CD46: variants seen among roughly 807,000 people sequenced by gnomAD.
CD46 encodes the protein CD46 molecule.
In CD46, 30 loss-of-function variants were observed where a neutral mutation model predicts 53.3. That is an observed-to-expected ratio of 0.56 (90% confidence interval 0.42 to 0.76). The LOEUF (loss-of-function observed/expected upper bound fraction) is 0.76, where lower values mean the gene tolerates loss of function less well. CD46 is among the 30% of genes least tolerant of loss of function. The pLI, the probability that CD46 is intolerant of heterozygous loss-of-function variation, is 0.00. For synonymous variants in CD46, 142 were observed against 152.0 expected (o/e 0.93, Z 0.48); for missense variants, 409 against 463.0 (o/e 0.88, Z 1.07).
chr1:207,784,882 G>A (rs1659127758), intron 9 of CD46, among the ~76,000 whole-genome samples, 189 bp from the exon 10 acceptor site: 2 of 152,180 alleles, frequency 1.3e-5, no homozygotes, highest in Non-Finnish European at 2.9e-5. Context: ...GGGGGAAACT[G>A]CCTCCATGAT....
chr1:207,767,632 T>C, intron 6 of CD46, 147 bp from the exon 7 acceptor site: 1 of 1,613,406 alleles, frequency 6.2e-7, no homozygotes, highest in Non-Finnish European at 8.5e-7. Context: ...GTACAAAACC[T>C]CCAGCTTTGA....
Position 207,785,651 on chromosome 1 carries a change from T to C in CD46, c.1051T>C (p.Tyr351His). 1 of 1,611,002 alleles carries C rather than the reference T, an allele frequency of 6.2e-7. No homozygotes were observed. Residue 351 changes from tyrosine (Y) to histidine (H), a missense_variant, in exon 11 of 13, where the codon TAC becomes CAC. Coordinates refer to ENST00000367042, the MANE Select transcript of CD46 (RefSeq NM_172351.3). ...VGVAVICVVP[Y>H]RYLQRRKKKG... ...AGTTGCAGTAATTTGTGTTGTCCCG[T>C]ACAGATATCTTCAAAGGAGGAAGAA...
Position 207,790,293 on chromosome 1 carries a change from A to C in CD46, c.1123A>C (p.Thr375Pro). 6.2e-7 allele frequency: 1 copy of C among 1,600,090 alleles called. No individual in the cohort carries two copies. The highest frequency in any genetic ancestry group is 1.1e-5 in the South Asian group (1 of 90,830). Residue 375 changes from threonine (T) to proline (P), a missense_variant, in exon 12 of 13, where the codon ACT becomes CCT. Thr to Pro is a conservative substitution (Grantham distance 38). Transcript: ENST00000367042. The part of the protein sequence containing the change: ...TDETHREVKF[T>P]SL Reference sequence around the variant, plus strand: ...TGAGACCCACAGAGAAGTAAAATTTACTTCTCTCTGAGAAGGAGAGATGAG... The same window carrying C: ...TGAGACCCACAGAGAAGTAAAATTTCCTTCTCTCTGAGAAGGAGAGATGAG...
intron 5 of CD46, among the ~76,000 whole-genome samples, chr1:207,761,743 TAAAG>T (rs889595300): frequency 8.6e-5 from 13 of 151,704 alleles, no homozygotes; most frequent in African/African-American, 2.9e-4. Flanking sequence ...CACACTGGCT[TAAAG>T]AAAGTTTCAT....
chr1:207,773,681 C>T (rs946916151), intron 8 of CD46, among the ~76,000 whole-genome samples: 4 of 152,134 alleles, frequency 2.6e-5, no homozygotes, highest in Non-Finnish European at 4.4e-5. Context: ...GCAGGTTGTT[C>T]AGTTTCCATG....
intron 7 of CD46, chr1:207,769,603 G>A (rs1657242034): frequency 6.6e-6 from 1 of 152,026 alleles, no homozygotes; most frequent in Non-Finnish European, 1.5e-5. Flanking sequence ...ATCTGCTAGA[G>A]GAAGACTAAA....
intron 8 of CD46, among the ~76,000 whole-genome samples, chr1:207,779,449 A>G (rs1658475497): frequency 6.6e-6 from 1 of 152,268 alleles, no homozygotes; most frequent in East Asian, 1.9e-4. Flanking sequence ...ATTTATTCTC[A>G]TACTTTCTAA....
rs750997386 is a variant in CD46 at position 207,793,530 on chromosome 1, G to A, written c.*53G>A. ...ACCTTGGTTTGCAGGAAAGCAGATG[G>A]TGGAGCTGAATATGCCACTTACCAG... On this transcript the variant is annotated 3_prime_UTR_variant, in exon 13 of 13. Transcript: ENST00000367042. The A allele has an allele frequency of 2.5e-6, 4 of 1,613,342 alleles. No individual in the cohort carries two copies. The African/African-American group carries it at 4.0e-5, about 16-fold the overall frequency.
At chr1:207,785,568 T>G in intron 10 of CD46, 51 bp from the exon 11 acceptor site, 3 of 1,240,318 alleles carry the variant, frequency 2.4e-6, no homozygotes, top group Non-Finnish European at 3.6e-6. Context: ...TGTTGAATCT[T>G]GGTGATTAGT....
At chr1:207,773,976 G>T (rs1361060866) in intron 8 of CD46, among the ~76,000 whole-genome samples, 1 of 152,188 alleles carries the variant, frequency 6.6e-6, no homozygotes, top group Non-Finnish European at 1.5e-5. Flanking sequence ...AATATTGACA[G>T]TGGGGTGTTA....
rs12022016 is a variant in CD46, at chr1:207,789,634, C to T, written c.1083-619C>T. ...ACAGATGTGCCACAGGAAGACACTT[C>T]TTAATGTAAAAGTCCAGAGACATCT... On this transcript the variant is annotated intron_variant, in intron 11 of 12. Coordinates refer to ENST00000367042, the MANE Select transcript of CD46 (RefSeq NM_172351.3). 5.9e-5 allele frequency among the ~76,000 whole-genome samples: 9 copies of T among 152,178 alleles called. No homozygotes were observed. The East Asian group carries it at 1.5e-3, about 26-fold the overall frequency.
At chr1:207,758,551 T>TG (rs1655828636) in intron 3 of CD46, among the ~76,000 whole-genome samples, 2 of 152,228 alleles carry the variant, frequency 1.3e-5, no homozygotes, top group Admixed American at 6.5e-5. Context: ...AAAGGCATTA[T>TG]ACCTCTTAAT....
intron 1 of CD46, among the ~76,000 whole-genome samples, chr1:207,755,711 A>G (rs1209265500): frequency 1.3e-5 from 2 of 152,240 alleles, no homozygotes; most frequent in African/African-American, 4.8e-5. Context: ...GCATACTACA[A>G]TGCAAAGAGA....
At chr1:207,785,773 CTATCTTTT>C (rs1659211357) in intron 11 of CD46, 91 bp downstream of exon 11, 2 of 689,794 alleles carry the variant, frequency 2.9e-6, no homozygotes, top group African/African-American at 3.5e-5. Context: ...GTATTGCATG[CTATCTTTT>C]TTTTTTTTTT....
In CD46 at chr1:207,752,582, G is replaced by C. The variant is rs921423273; in HGVS notation, c.97+273G>C. On this transcript the variant is annotated intron_variant, in intron 1 of 12. Transcript: ENST00000367042. This position sits in a 1 kb window ranked among gnomAD's most constrained non-coding sequence, Gnocchi z 4.1. The stretch of plus-strand genomic sequence containing the variant: ...AAAAAAAGCGTGAATCGTGTTTTCG[G>C]GATTGAGCCAGTCGGCCAGGGGAGC... 6.6e-6 allele frequency among the ~76,000 whole-genome samples: 1 copy of C among 152,234 alleles called. No homozygotes were observed. The highest frequency in any genetic ancestry group is 1.5e-5 in the Non-Finnish European group (1 of 68,036).
chr1:207,786,759 G>T (rs6657476), intron 11 of CD46, among the ~76,000 whole-genome samples: 29,947 of 151,976 alleles, frequency 0.2, 3,084 homozygotes, highest in Admixed American at 0.24. Context: ...GTTATCTTTT[G>T]AAATACCCAT....
intron 4 of CD46, chr1:207,760,732 C>T (rs41317083): frequency 0.019 from 2,936 of 157,154 alleles, 101 homozygotes; most frequent in African/African-American, 0.068. Context: ...GGGTAGGCCT[C>T]GGGAAACTTA....
At chr1:207,790,141 C>T in intron 11 of CD46, 112 bp from the exon 12 acceptor site, 1 of 742,082 alleles carries the variant, frequency 1.3e-6, no homozygotes, top group East Asian at 2.5e-5. Flanking sequence ...ACCTAATTCT[C>T]AGCTTTCCTG....
chr1:207,769,375 A>C (rs1034961263), intron 7 of CD46: 2 of 152,218 alleles, frequency 1.3e-5, no homozygotes, highest in African/African-American at 4.8e-5. Flanking sequence ...CTGATACATG[A>C]GCAAAACAAG....
Sources: gnomAD v4.1 joint callset for allele counts (sites outside exome capture counted in the v4.1 genomes callset) on GRCh38, gnomAD v4.1.1 for gene constraint, Gnocchi (gnomAD v3.1) non-coding constraint, MANE v1.5 for transcripts, NCBI Gene and HGNC (gene_info 2026-07-23, HGNC 2026-07-21) for gene names.